The following CLDN10 variants were observed in gnomAD, a reference collection of about 807,000 sequenced individuals.
CLDN10 encodes claudin 10.
CLDN10 carries 15 observed loss-of-function variants against 22.9 expected under a neutral mutation model. That is an observed-to-expected ratio of 0.65 (90% confidence interval 0.44 to 1.01). CLDN10 has a LOEUF of 1.01. Ranked by LOEUF, CLDN10 falls within the 50% of genes least tolerant of loss-of-function variation. CLDN10 has a pLI of 0.00. For synonymous variants in CLDN10, 114 were observed against 111.4 expected, an observed-to-expected ratio of 1.02 and a Z score of -0.15; for missense variants, 247 against 287.8, an observed-to-expected ratio of 0.86 and a Z score of 1.03.
intron 1 of CLDN10, among the ~76,000 whole-genome samples, chr13:95,480,119 G>A (rs539519807): frequency 9.9e-5 from 15 of 152,274 alleles, no homozygotes; most frequent in African/African-American, 2.2e-4. Flanking sequence ...ACTTGTGCGG[G>A]GGAGCTCCTT....
chr13:95,479,201 T>C (rs932062237), intron 1 of CLDN10, among the ~76,000 whole-genome samples: 5 of 152,164 alleles, frequency 3.3e-5, no homozygotes, highest in Admixed American at 3.3e-4. Flanking sequence ...ATATAAAAAT[T>C]AGCCGGGTGT....
chr13:95,567,954 TTCAG>T (rs1376835221), intron 3 of CLDN10, among the ~76,000 whole-genome samples: 2 of 152,158 alleles, frequency 1.3e-5, no homozygotes, highest in Non-Finnish European at 2.9e-5. Context: ...ACTACCTACT[TTCAG>T]TCAAATTATC....
At chr13:95,453,119 C>A (rs901428742) in intron 1 of CLDN10, among the ~76,000 whole-genome samples, 1 of 152,114 alleles carries the variant, frequency 6.6e-6, no homozygotes, top group African/African-American at 2.4e-5. Flanking sequence ...AAGTTATTGT[C>A]TGTACTATAC....
At chr13:95,462,168 T>C (rs1479523619) in intron 1 of CLDN10, among the ~76,000 whole-genome samples, 1 of 152,198 alleles carries the variant, frequency 6.6e-6, no homozygotes, top group Non-Finnish European at 1.5e-5. Flanking sequence ...GTAAAGCCTG[T>C]AAAATCCAGC....
At chr13:95,467,529 T>TTC (rs34372824) in intron 1 of CLDN10, among the ~76,000 whole-genome samples, 1 of 150,788 alleles carries the variant, frequency 6.6e-6, no homozygotes, top group Non-Finnish European at 1.5e-5. Flanking sequence ...TTGTTTTTTT[T>TTC]GGGGGGGGCA....
At chr13:95,469,193 A>G (rs2042607486) in intron 1 of CLDN10, among the ~76,000 whole-genome samples, 1 of 151,874 alleles carries the variant, frequency 6.6e-6, no homozygotes, top group African/African-American at 2.4e-5. Flanking sequence ...TAGTTTAAAA[A>G]TAGAATCATT....
chr13:95,501,473 C>A (rs1039436538), intron 1 of CLDN10, among the ~76,000 whole-genome samples: 2 of 152,126 alleles, frequency 1.3e-5, no homozygotes, highest in Non-Finnish European at 2.9e-5. Context: ...GCCACCATGC[C>A]CAGCTTTTCT....
At chr13:95,569,969 C>G (rs956594299) in intron 3 of CLDN10, among the ~76,000 whole-genome samples, 1 of 152,128 alleles carries the variant, frequency 6.6e-6, no homozygotes, top group Non-Finnish European at 1.5e-5. Flanking sequence ...GGGGTTTCAC[C>G]GTGTTAGCCA....
chr13:95,568,196 G>T (rs915512362), intron 3 of CLDN10, among the ~76,000 whole-genome samples: 2 of 152,110 alleles, frequency 1.3e-5, no homozygotes, highest in African/African-American at 4.8e-5. Flanking sequence ...ACTAATGTTG[G>T]TAGTGATCTC....
At chr13:95,451,853 T>C (rs888176450) in intron 1 of CLDN10, among the ~76,000 whole-genome samples, 1 of 152,280 alleles carries the variant, frequency 6.6e-6, no homozygotes, top group East Asian at 1.9e-4. Context: ...CAGGTTCACC[T>C]TCCTTGGTGC....
intron 1 of CLDN10, among the ~76,000 whole-genome samples, chr13:95,466,166 G>T (rs556399035): frequency 8.8e-4 from 134 of 152,010 alleles, no homozygotes; most frequent in Non-Finnish European, 1.4e-3. Flanking sequence ...ATTTTCAAGT[G>T]TAAAATTCTT....
At chr13:95,445,337 T>C (rs953593422) in intron 1 of CLDN10, among the ~76,000 whole-genome samples, 1 of 152,162 alleles carries the variant, frequency 6.6e-6, no homozygotes, top group Admixed American at 6.5e-5. Flanking sequence ...CTTTAAGCCC[T>C]ACAAAGGGAT....
intron 1 of CLDN10, among the ~76,000 whole-genome samples, chr13:95,435,382 A>G (rs971435449): frequency 6.6e-6 from 1 of 152,262 alleles, no homozygotes; most frequent in African/African-American, 2.4e-5. Flanking sequence ...ATAATGTGTT[A>G]GGAGATTTTG....
intron 3 of CLDN10, among the ~76,000 whole-genome samples, chr13:95,562,622 ATATTTAAAAGAAATATTG>A (rs1282148466): frequency 1.4e-4 from 22 of 152,306 alleles, no homozygotes; most frequent in Middle Eastern, 3.4e-3. Context: ...TATTTTAATG[ATATTTAAAAGAAATATTG>A]TATTTAAATG....
At chr13:95,573,345 G>A (rs868433066) in intron 3 of CLDN10, among the ~76,000 whole-genome samples, 1 of 152,198 alleles carries the variant, frequency 6.6e-6, no homozygotes, top group Non-Finnish European at 1.5e-5. Context: ...CATGGATATG[G>A]ATTGGTCCAG....
At chr13:95,481,006 ACT>A (rs1566292601) in intron 1 of CLDN10, among the ~76,000 whole-genome samples, 2 of 152,140 alleles carry the variant, frequency 1.3e-5, no homozygotes, top group African/African-American at 4.8e-5. Flanking sequence ...GCCATGAGGA[ACT>A]TGCTTCTTGA....
intron 1 of CLDN10, among the ~76,000 whole-genome samples, chr13:95,481,584 G>A (rs2042747651): frequency 6.6e-6 from 1 of 152,292 alleles, no homozygotes; most frequent in South Asian, 2.1e-4. Flanking sequence ...TTGGGCATGA[G>A]AACAGCCACA....
At chr13:95,498,585 G>A (rs1003957122) in intron 1 of CLDN10, among the ~76,000 whole-genome samples, 1 of 151,920 alleles carries the variant, frequency 6.6e-6, no homozygotes, top group African/African-American at 2.4e-5. Flanking sequence ...AGTAGAGATG[G>A]GGTTTCACCA....
intron 1 of CLDN10, among the ~76,000 whole-genome samples, chr13:95,537,455 T>C (rs900881094): frequency 7.2e-5 from 11 of 152,256 alleles, no homozygotes; most frequent in African/African-American, 2.4e-4. Flanking sequence ...CACCATAATT[T>C]GTGTACGTTT....
Sources: gnomAD v4.1 joint callset for allele counts (sites outside exome capture counted in the v4.1 genomes callset) on GRCh38, gnomAD v4.1.1 for gene constraint, MANE v1.5 for transcripts, NCBI Gene and HGNC (gene_info 2026-07-23, HGNC 2026-07-21) for gene names.